Variants in ST8SIA6 observed in about 807,000 individuals in gnomAD.
The protein encoded by ST8SIA6 is ST8 alpha-N-acetyl-neuraminide alpha-2,8-sialyltransferase 6, also known as alpha-2,8-sialyltransferase 8F.
In ST8SIA6, 39 loss-of-function variants were observed where a neutral mutation model predicts 33.6. The ratio of observed to expected loss-of-function variants is 1.16; its 90% CI spans 0.90 to 1.52. The LOEUF (loss-of-function observed/expected upper bound fraction) is 1.52. Among genes scored for constraint, ST8SIA6 ranks in the 40% most tolerant of loss-of-function variants. The probability of loss-of-function intolerance (pLI) is 0.00; values close to 1 mark genes in which losing one functional copy is unlikely to be tolerated. For synonymous variants in ST8SIA6, 172 were observed against 167.2 expected (o/e 1.03, Z -0.22); for missense variants, 441 against 443.8 (o/e 0.99, Z 0.06).
intron 2 of ST8SIA6, among the ~76,000 whole-genome samples, chr10:17,441,871 ATT>A (rs879696172): frequency 5.5e-5 from 8 of 144,706 alleles, no homozygotes; most frequent in East Asian, 2.0e-4. Flanking sequence ...ATATAAAACA[ATT>A]TTTTTTTTTT....
At chr10:17,386,400 G>A (rs771306557) in intron 3 of ST8SIA6, among the ~76,000 whole-genome samples, 3 of 151,938 alleles carry the variant, frequency 2.0e-5, no homozygotes, top group African/African-American at 4.8e-5. Context: ...TTAGCCGGGC[G>A]TGGTGGCACG....
chr10:17,395,832 G>A (rs1482991466), intron 2 of ST8SIA6, among the ~76,000 whole-genome samples: 1 of 152,144 alleles, frequency 6.6e-6, no homozygotes, highest in Non-Finnish European at 1.5e-5. Flanking sequence ...GTGGTGAGCC[G>A]AGATTGTGCC....
At chr10:17,453,115 G>A (rs2131754179) in intron 2 of ST8SIA6, among the ~76,000 whole-genome samples, 1 of 151,872 alleles carries the variant, frequency 6.6e-6, no homozygotes, top group East Asian at 1.9e-4. Context: ...CAGTCACTAA[G>A]GACAAAATCA....
intron 2 of ST8SIA6, among the ~76,000 whole-genome samples, chr10:17,400,484 A>G (rs1160059654): frequency 6.6e-6 from 1 of 152,210 alleles, no homozygotes; most frequent in Non-Finnish European, 1.5e-5. Flanking sequence ...GTGAGCTGAG[A>G]TCACGCGACT....
chr10:17,386,471 G>T (rs1850353134), intron 3 of ST8SIA6, among the ~76,000 whole-genome samples: 1 of 152,096 alleles, frequency 6.6e-6, no homozygotes, highest in South Asian at 2.1e-4. Flanking sequence ...CCCGGGAGGT[G>T]GAGGTTGCAG....
At chr10:17,429,310 T>C (rs1222259303) in intron 2 of ST8SIA6, among the ~76,000 whole-genome samples, 1 of 152,072 alleles carries the variant, frequency 6.6e-6, no homozygotes, top group Non-Finnish European at 1.5e-5. Flanking sequence ...CTTTTATTTC[T>C]ATTTTTCTTT....
At chr10:17,378,621 AAAC>A (rs1045263708) in intron 3 of ST8SIA6, among the ~76,000 whole-genome samples, 115 of 152,264 alleles carry the variant, frequency 7.6e-4, no homozygotes, top group African/African-American at 2.6e-3. Context: ...CATACCCAAC[AAAC>A]AACAAACAAA....
rs563510444 is a variant in ST8SIA6, at chr10:17,341,653, C to T, written c.378-10101G>A. On this transcript the variant is annotated intron_variant, in intron 4 of 7. Transcript: ENST00000377602. The stretch of plus-strand genomic sequence containing the variant: ...CGGTGGCTTATGCCTGTAATCCCAG[C>T]GCTTTGGGAGGCTGAGGCAGGAGGA... Among the ~76,000 whole-genome samples, 33 of 152,082 alleles carry T rather than the reference C, an allele frequency of 2.2e-4. No individual in the cohort carries two copies. The East Asian group carries it at 4.8e-3, about 22-fold the overall frequency.
At chr10:17,355,747 A>G (rs1849169953) in intron 4 of ST8SIA6, among the ~76,000 whole-genome samples, 1 of 152,224 alleles carries the variant, frequency 6.6e-6, no homozygotes, top group Non-Finnish European at 1.5e-5. Context: ...CCTGGTAGCT[A>G]CAGAATGTCT....
chr10:17,373,579 G>A (rs865994486), intron 3 of ST8SIA6, among the ~76,000 whole-genome samples: 1 of 152,060 alleles, frequency 6.6e-6, no homozygotes, highest in Non-Finnish European at 1.5e-5. Flanking sequence ...TATTTTAGCC[G>A]TTCGGATGGT....
rs745556780 is a variant in ST8SIA6, at chr10:17,323,105, T to C, written c.688A>G (p.Thr230Ala). 28 of 1,613,710 alleles carry C rather than the reference T, an allele frequency of 1.7e-5. No homozygotes were observed. The highest frequency in any genetic ancestry group is 2.4e-5 in the Non-Finnish European group (28 of 1,179,860). The change falls in exon 7 of 8, where the codon ACA becomes GCA. Residue 230 changes from threonine (T) to alanine (A), a missense_variant. Thr to Ala is a moderately conservative substitution (Grantham distance 58, BLOSUM62 0). Transcript: ENST00000377602. Reference protein sequence around the residue: ...GDVSKDVGSKTNLVTINPSII... With the variant: ...GDVSKDVGSKANLVTINPSII... ...CTTGGATTTATAGTCACAAGATTTG[T>C]TTTACTGCCAACATCTTTACTAACA...
intron 2 of ST8SIA6, among the ~76,000 whole-genome samples, chr10:17,397,417 C>T (rs550461926): frequency 2.6e-5 from 4 of 151,938 alleles, no homozygotes; most frequent in Non-Finnish European, 5.9e-5. Context: ...GTATTTTTAG[C>T]AGAGACAGGA....
At chr10:17,436,416 C>T (rs1330850988) in intron 2 of ST8SIA6, among the ~76,000 whole-genome samples, 3 of 151,976 alleles carry the variant, frequency 2.0e-5, no homozygotes, top group African/African-American at 7.3e-5. Context: ...TACATGTGCA[C>T]AACGTGCAGG....
At chr10:17,413,682 T>G (rs1034034488) in intron 2 of ST8SIA6, among the ~76,000 whole-genome samples, 9 of 152,222 alleles carry the variant, frequency 5.9e-5, no homozygotes, top group Non-Finnish European at 1.3e-4. Flanking sequence ...ATAAACAATT[T>G]TGATATTCTT....
At chr10:17,346,315 G>C (rs1848831437) in intron 4 of ST8SIA6, among the ~76,000 whole-genome samples, 2 of 152,186 alleles carry the variant, frequency 1.3e-5, no homozygotes, top group East Asian at 1.9e-4. Flanking sequence ...CCTCCATTAA[G>C]AGTTCCCTGG....
At chr10:17,422,923 G>A (rs542110855) in intron 2 of ST8SIA6, among the ~76,000 whole-genome samples, 11 of 152,264 alleles carry the variant, frequency 7.2e-5, no homozygotes, top group East Asian at 1.9e-4. Flanking sequence ...TGAACAATAC[G>A]TTCTAGATAG....
chr10:17,346,877 C>G (rs1252467839), intron 4 of ST8SIA6, among the ~76,000 whole-genome samples: 3 of 152,050 alleles, frequency 2.0e-5, no homozygotes, highest in Admixed American at 6.5e-5. Flanking sequence ...ATTTATGTAT[C>G]TATCTATCGA....
intron 3 of ST8SIA6, among the ~76,000 whole-genome samples, chr10:17,378,350 A>C (rs1849989348): frequency 6.6e-6 from 1 of 152,226 alleles, no homozygotes; most frequent in African/African-American, 2.4e-5. Context: ...CAAGTTGAGA[A>C]CTTTTGTCAC....
intron 2 of ST8SIA6, among the ~76,000 whole-genome samples, chr10:17,436,473 T>C (rs1852258705): frequency 6.6e-6 from 1 of 151,900 alleles, no homozygotes; most frequent in African/African-American, 2.4e-5. Context: ...CTGCACCCAT[T>C]AACTTGTCAT....
Sources: allele counts gnomAD v4.1 joint callset (sites outside exome capture counted in the v4.1 genomes callset), GRCh38; gene constraint gnomAD v4.1.1; transcripts MANE v1.5; gene names NCBI Gene and HGNC (gene_info 2026-07-23, HGNC 2026-07-21).